SLC25A16: variants seen among roughly 807,000 people sequenced by gnomAD.
SLC25A16 encodes solute carrier family 25 member 16.
A neutral mutation model predicts 41.5 loss-of-function variants in SLC25A16; 39 were observed. The observed-to-expected ratio is 0.94, with a 90% CI of 0.73 to 1.23. The LOEUF is 1.23. Ranked by LOEUF, SLC25A16 falls within the 50% of genes most tolerant of loss-of-function variation. SLC25A16 has a pLI of 0.00. For synonymous variants in SLC25A16, 146 were observed against 147.8 expected (o/e 0.99, Z 0.09); for missense variants, 421 against 426.9 (o/e 0.99, Z 0.12).
At chr10:68,512,320 A>T (rs1226672553) in intron 2 of SLC25A16, among the ~76,000 whole-genome samples, 1 of 152,212 alleles carries the variant, frequency 6.6e-6, no homozygotes, top group Non-Finnish European at 1.5e-5. Flanking sequence ...TACATAAATT[A>T]GTCTAATAGA....
chr10:68,506,227 G>C (rs1433856070), intron 3 of SLC25A16, among the ~76,000 whole-genome samples: 1 of 151,848 alleles, frequency 6.6e-6, no homozygotes. Context: ...CCAACACTTT[G>C]GGAGGCCAGG....
intron 4 of SLC25A16, among the ~76,000 whole-genome samples, chr10:68,495,094 C>T (rs2052727859): frequency 6.6e-6 from 1 of 151,744 alleles, no homozygotes; most frequent in South Asian, 2.1e-4. Flanking sequence ...ACAGCCTAGG[C>T]AACATAGCAA....
chr10:68,517,799 T>A (rs1039412724), intron 1 of SLC25A16: 4 of 151,760 alleles, frequency 2.6e-5, no homozygotes, highest in Admixed American at 2.0e-4. Flanking sequence ...TGAAACCCCG[T>A]CTCTATCAAA....
At chr10:68,488,224 C>A (rs1332988519) in intron 7 of SLC25A16, among the ~76,000 whole-genome samples, 7 of 152,100 alleles carry the variant, frequency 4.6e-5, no homozygotes, top group Non-Finnish European at 8.8e-5. Flanking sequence ...CTCAAGCAAT[C>A]CTCCTGCCAC....
At chr10:68,524,310 CAAAAAAAAAAA>C (rs565308290) in intron 1 of SLC25A16, among the ~76,000 whole-genome samples, 1 of 44,024 alleles carries the variant, frequency 2.3e-5, no homozygotes, top group African/African-American at 1.1e-4. Context: ...AACTCCATCT[CAAAAAAAAAAA>C]AAAAAAAAAA....
intron 3 of SLC25A16, among the ~76,000 whole-genome samples, chr10:68,504,962 G>A (rs1590111579): frequency 6.6e-6 from 1 of 152,266 alleles, no homozygotes; most frequent in East Asian, 1.9e-4. Flanking sequence ...TTACAAGCAT[G>A]AGCCACTGTG....
At position 68,482,212 on chromosome 10, in the gene SLC25A16, C is replaced by T. The variant is rs1198571187; in HGVS notation, c.*1220G>A. ...CCAGCCTGGGCGATAGAGCGAGACT[C>T]CATCTCAAAAAAAAAAAAAAAGTCA... On this transcript the variant is annotated 3_prime_UTR_variant, in exon 9 of 9. Transcript: ENST00000609923. 1 of 143,320 alleles carries T rather than the reference C, an allele frequency of 7.0e-6. No homozygotes were observed. Among genetic ancestry groups the T allele is most frequent in the Non-Finnish European group, 1.5e-5 (1 of 66,948 alleles). The allele number at this position is 143,320 out of a possible 1,614,324, so 8.9% of individuals were successfully genotyped here.
At chr10:68,485,250 C>G (rs559358077) in intron 8 of SLC25A16, among the ~76,000 whole-genome samples, 12 of 152,172 alleles carry the variant, frequency 7.9e-5, no homozygotes, top group South Asian at 4.1e-4. Flanking sequence ...CCGCCACACC[C>G]AGCTAATTTT....
intron 4 of SLC25A16, among the ~76,000 whole-genome samples, chr10:68,495,421 T>G (rs1385819110): frequency 6.7e-6 from 1 of 148,892 alleles, no homozygotes; most frequent in Non-Finnish European, 1.5e-5. Context: ...TCTCAAAAAA[T>G]AATAATAATA....
At chr10:68,504,578 C>T (rs2052918966) in intron 3 of SLC25A16, among the ~76,000 whole-genome samples, 1 of 149,818 alleles carries the variant, frequency 6.7e-6, no homozygotes, top group Non-Finnish European at 1.5e-5. Flanking sequence ...TGGGTTTCAC[C>T]ATGTTAGCCA....
intron 4 of SLC25A16, chr10:68,499,583 C>T (rs915357282): frequency 2.8e-5 from 8 of 286,312 alleles, no homozygotes; most frequent in African/African-American, 4.5e-5. Context: ...ACGCAAAAGG[C>T]GTTTCAATGC....
At position 68,524,883 on chromosome 10, in the gene SLC25A16, G is replaced by T. The variant is rs1342366960; in HGVS notation, c.130+2363C>A. Among the ~76,000 whole-genome samples, 6 of 140,802 alleles carry T rather than the reference G, an allele frequency of 4.3e-5. No homozygotes were observed. In the Admixed American group the frequency reaches 4.3e-4, roughly 10 times the overall value. The allele number at this position is 140,802 out of a possible 152,430, so 92.4% of individuals were successfully genotyped here. On this transcript the variant is annotated intron_variant, in intron 1 of 8. Coordinates refer to ENST00000609923, the MANE Select transcript of SLC25A16 (RefSeq NM_152707.4). ...CAGAGTGAGACTCCATCTCAAAAAA[G>T]AAAAAGAAAAAAAATTAGCCAGGCA...
intron 6 of SLC25A16, among the ~76,000 whole-genome samples, chr10:68,491,199 A>G (rs2052651417): frequency 6.6e-6 from 1 of 150,422 alleles, no homozygotes; most frequent in Admixed American, 6.6e-5. Context: ...TTAGTTTGCT[A>G]TTAGTGCACT....
At chr10:68,488,743 A>T (rs1353225723) in intron 6 of SLC25A16, 114 bp from the exon 7 acceptor site, 14 of 835,254 alleles carry the variant, frequency 1.7e-5, no homozygotes, top group Admixed American at 3.1e-5. Context: ...GGCTTAATTT[A>T]AAATAGAAAG....
chr10:68,525,782 T>G (rs2053327544), intron 1 of SLC25A16, among the ~76,000 whole-genome samples: 2 of 152,186 alleles, frequency 1.3e-5, no homozygotes, highest in East Asian at 1.9e-4. Context: ...GCCTTGAGAT[T>G]CTGTTAATCT....
intron 8 of SLC25A16, 109 bp from the exon 9 acceptor site, chr10:68,483,697 C>T: frequency 1.2e-6 from 1 of 864,018 alleles, no homozygotes; most frequent in East Asian, 2.7e-5. Context: ...GCTCTGTCAC[C>T]CAGATGGGAG....
Position 68,493,549 on chromosome 10 carries a change from G to A in SLC25A16, c.443C>T (p.Thr148Ile), listed in dbSNP as rs764273049. 1.7e-5 allele frequency: 27 copies of A among 1,612,812 alleles called. No homozygotes were observed. The highest frequency in any genetic ancestry group is 8.5e-7 in the Non-Finnish European group (1 of 1,179,082). The change falls in exon 5 of 9, where the codon ACT becomes ATT. Residue 148 changes from threonine (T) to isoleucine (I), a missense_variant. Physicochemically the swap from Thr to Ile is moderately conservative, Grantham distance 89 (BLOSUM62 -1). Coordinates refer to ENST00000609923, the MANE Select transcript of SLC25A16 (RefSeq NM_152707.4). ...SMAGMTAVIC[T>I]YPLDMVRVRL... The stretch of plus-strand genomic sequence containing the variant: ...GACCCTAACCATGTCAAGAGGGTAA[G>A]TACAGATAACTGCTGTCATACCTGA...
chr10:68,493,659 G>C (rs1463062567), intron 4 of SLC25A16, 89 bp from the exon 5 acceptor site: 3 of 1,046,626 alleles, frequency 2.9e-6, no homozygotes, highest in Non-Finnish European at 4.3e-6. Context: ...CAATATTATG[G>C]CAATGGTGAA....
At chr10:68,485,653 G>A (rs1441522452) in intron 8 of SLC25A16, among the ~76,000 whole-genome samples, 2 of 151,834 alleles carry the variant, frequency 1.3e-5, no homozygotes, top group African/African-American at 4.8e-5. Flanking sequence ...AAAGTGCTGG[G>A]ATTATAGGCG....
Sources: gnomAD v4.1 joint callset for allele counts (sites outside exome capture counted in the v4.1 genomes callset) on GRCh38, gnomAD v4.1.1 for gene constraint, MANE v1.5 for transcripts, NCBI Gene and HGNC (gene_info 2026-07-23, HGNC 2026-07-21) for gene names.